Variants in DAPK2 observed in about 807,000 individuals in gnomAD.
DAPK2 encodes death associated protein kinase 2, also known as death-associated protein kinase 2.
In DAPK2, 35 loss-of-function variants were observed where a neutral mutation model predicts 44.1. The ratio of observed to expected loss-of-function variants is 0.79; its 90% CI spans 0.61 to 1.05. DAPK2 has a LOEUF of 1.05. DAPK2 is among the 50% of genes least tolerant of loss of function. The pLI is 0.00. For missense variants in DAPK2, 453 were observed against 483.2 expected, an observed-to-expected ratio of 0.94 and a Z score of 0.59; for synonymous variants, 174 against 182.6, an observed-to-expected ratio of 0.95 and a Z score of 0.38.
In DAPK2 at chr15:63,908,829, G is replaced by A. The variant is rs2078711018; in HGVS notation, c.1033-229C>T. On this transcript the variant is annotated intron_variant, in intron 10 of 10. Transcript: ENST00000261891. The surrounding 1 kb of genome is among the most constrained non-coding windows in gnomAD (Gnocchi z 5.7). ...GAAGGAAAGCAGCAGGGCATCTAAG[G>A]GAAACCAGACATCAGGAGAGGCCAA... 1 of 385,276 alleles carries A rather than the reference G, an allele frequency of 2.6e-6. No homozygotes were observed. Among genetic ancestry groups the A allele is most frequent in the Non-Finnish European group, 4.7e-6 (1 of 214,514 alleles). The allele number at this position is 385,276 out of a possible 1,614,324, so 23.9% of individuals were successfully genotyped here.
chr15:63,965,648 G>C (rs2078034429), intron 3 of DAPK2, among the ~76,000 whole-genome samples: 1 of 152,192 alleles, frequency 6.6e-6, no homozygotes, highest in South Asian at 2.1e-4. Context: ...ATGTGGCCTA[G>C]CTGGTATCTA....
At chr15:64,008,811 C>T (rs1293716825) in intron 1 of DAPK2, among the ~76,000 whole-genome samples, 1 of 152,144 alleles carries the variant, frequency 6.6e-6, no homozygotes, top group African/African-American at 2.4e-5. Context: ...AGAAGAAACA[C>T]CTGCATAGAC....
chr15:63,952,432 T>C (rs2077615424), intron 3 of DAPK2, among the ~76,000 whole-genome samples: 1 of 152,014 alleles, frequency 6.6e-6, no homozygotes, highest in African/African-American at 2.4e-5. Flanking sequence ...GGGATGAGAA[T>C]AGCACAAACA....
At chr15:63,983,888 TC>T in intron 1 of DAPK2, 134 bp from the exon 3 acceptor site, 1 of 828,170 alleles carries the variant, frequency 1.2e-6, no homozygotes, top group Non-Finnish European at 1.9e-6. Flanking sequence ...CCAGTCTGCA[TC>T]CCCACCTGAT....
intron 1 of DAPK2, among the ~76,000 whole-genome samples, chr15:63,997,982 C>T (rs1223186471): frequency 6.6e-6 from 1 of 152,216 alleles, no homozygotes; most frequent in African/African-American, 2.4e-5. Context: ...ATGGTAAACA[C>T]CAACAAATAG....
chr15:64,033,926 AAAG>A (rs1177549973), intron 1 of DAPK2, among the ~76,000 whole-genome samples: 1 of 152,062 alleles, frequency 6.6e-6, no homozygotes, highest in African/African-American at 2.4e-5. Context: ...AAAAAAAAAA[AAAG>A]GAGAGAAAAT....
chr15:64,045,212 T>C (rs1209164922), upstream of DAPK2, among the ~76,000 whole-genome samples: 1 of 152,104 alleles, frequency 6.6e-6, no homozygotes, highest in Non-Finnish European at 1.5e-5. Flanking sequence ...TCCAGCCACA[T>C]CCACACACCC....
At position 63,923,038 on chromosome 15, in the gene DAPK2, G is replaced by A. The variant is rs774590685; in HGVS notation, c.858+1778C>T. 1.9e-5 allele frequency: 29 copies of A among 1,535,828 alleles called. 1 individual carries two copies. The South Asian group carries it at 3.2e-4, about 17-fold the overall frequency. On this transcript the variant is annotated intron_variant, in intron 8 of 10. Transcript: ENST00000261891. This position sits in a 1 kb window ranked among gnomAD's most constrained non-coding sequence, Gnocchi z 4.2. ...ACTCCACCTTGCGGAACTCATACCT[G>A]AGCTGGGACAGGTCATGCCGGGCGC... is the stretch of plus-strand genomic sequence containing the variant.
chr15:63,930,341 G>C, intron 5 of DAPK2, 66 bp downstream of exon 6: 1 of 1,455,560 alleles, frequency 6.9e-7, no homozygotes, highest in Admixed American at 1.7e-5. Context: ...GTCACCTGGA[G>C]CAGGATCTGA....
chr15:64,040,069 G>T (rs2080312213), intron 1 of DAPK2, 101 bp downstream of exon 2: 7 of 885,628 alleles, frequency 7.9e-6, no homozygotes, highest in Non-Finnish European at 1.3e-5. Context: ...GCTTCCCACT[G>T]GTCCTGTGGC....
intron 1 of DAPK2, among the ~76,000 whole-genome samples, chr15:64,033,224 C>T (rs2080067571): frequency 6.8e-6 from 1 of 146,468 alleles, no homozygotes; most frequent in African/African-American, 2.6e-5. Context: ...TGAACCACTG[C>T]ACTCCAGCCT....
intron 1 of DAPK2, among the ~76,000 whole-genome samples, chr15:64,045,422 G>A (rs332272): frequency 0.98 from 148,581 of 152,230 alleles, 72,607 homozygotes; most frequent in East Asian, 1. Context: ...GCAGTTGGGA[G>A]TCGCAGTGTC....
rs760475301 is a variant in DAPK2 at position 63,975,339 on chromosome 15, C to T, written c.315-3778G>A. Among the ~76,000 whole-genome samples, 6 of 152,240 alleles carry T rather than the reference C, an allele frequency of 3.9e-5. No homozygotes were observed. In the South Asian group the frequency reaches 6.2e-4, roughly 16 times the overall value. On this transcript the variant is annotated intron_variant, in intron 2 of 10. Transcript: ENST00000261891. ...CTTAAAACCTGTATTTTTACTCTAA[C>T]AACATAATAATAGCAATTAATATTC...
In DAPK2 at chr15:63,967,640, G is replaced by A. The variant is rs189733168; in HGVS notation, c.453+3783C>T. ...CAGGAGGCAGAGGCTGCAGGGAGCC[G>A]AGATTGTGCCACTGCACTCCAACCT... On this transcript the variant is annotated intron_variant, in intron 3 of 10. Transcript: ENST00000261891. Among the ~76,000 whole-genome samples, 419 of 152,226 alleles carry A rather than the reference G, an allele frequency of 2.8e-3. 2 individuals are homozygous for A. The highest frequency in any genetic ancestry group is 3.5e-3 in the Non-Finnish European group (236 of 68,012).
intron 8 of DAPK2, among the ~76,000 whole-genome samples, chr15:63,924,062 G>A (rs2079168887): frequency 6.6e-6 from 1 of 152,158 alleles, no homozygotes; most frequent in Admixed American, 6.5e-5. Flanking sequence ...CAGTTAAGGT[G>A]AATGGGAAGT....
chr15:63,922,934 A>C (rs1300592210), intron 8 of DAPK2: 1 of 1,535,956 alleles, frequency 6.5e-7, no homozygotes, highest in Admixed American at 2.0e-5. Context: ...CTGGGCTTGC[A>C]GATGGTCCAG....
At chr15:64,008,360 T>C (rs1173149177) in intron 1 of DAPK2, among the ~76,000 whole-genome samples, 1 of 152,158 alleles carries the variant, frequency 6.6e-6, no homozygotes, top group Non-Finnish European at 1.5e-5. Flanking sequence ...GCTCTCCCCA[T>C]TATAGAGATC....
upstream of DAPK2, among the ~76,000 whole-genome samples, chr15:64,044,311 G>A (rs2080411703): frequency 6.6e-6 from 1 of 152,080 alleles, no homozygotes; most frequent in Non-Finnish European, 1.5e-5. Flanking sequence ...ACACTTCAGG[G>A]GGCTACCACA....
chr15:63,930,546 T>A (rs1486152314), intron 4 of DAPK2, 91 bp from the exon 6 acceptor site: 3 of 1,182,918 alleles, frequency 2.5e-6, no homozygotes, highest in Non-Finnish European at 3.8e-6. Context: ...GTGCCAAATA[T>A]CTCCATCCTG....
Sources: gnomAD v4.1 joint callset for allele counts (sites outside exome capture counted in the v4.1 genomes callset) on GRCh38, gnomAD v4.1.1 for gene constraint, Gnocchi (gnomAD v3.1) non-coding constraint, MANE v1.5 for transcripts, NCBI Gene and HGNC (gene_info 2026-07-23, HGNC 2026-07-21) for gene names.